ODAD2: variants seen among roughly 807,000 people sequenced by gnomAD.
ODAD2 encodes the protein outer dynein arm docking complex subunit 2, also known as outer dynein arm-docking complex subunit 2.
ODAD2 carries 89 observed loss-of-function variants against 106.8 expected under a neutral mutation model. That is an observed-to-expected ratio of 0.83 (90% CI 0.70 to 0.99). The LOEUF is 0.99. Among genes scored for constraint, ODAD2 ranks in the 50% least tolerant of loss-of-function variants. The pLI is 0.00. For missense variants in ODAD2, 1,168 were observed against 1,238.5 expected (o/e 0.94, Z 0.85); for synonymous variants, 404 against 436.2 (o/e 0.93, Z 0.92).
intron 14 of ODAD2, among the ~76,000 whole-genome samples, 166 bp downstream of exon 14, chr10:27,939,731 C>T (rs551463200): frequency 8.6e-5 from 13 of 151,890 alleles, no homozygotes; most frequent in Non-Finnish European, 1.9e-4. Context: ...GAGCAAGACC[C>T]TATCTCTAAA....
intron 15 of ODAD2, 81 bp downstream of exon 15, chr10:27,936,645 C>T: frequency 6.8e-7 from 1 of 1,465,516 alleles, no homozygotes; most frequent in South Asian, 1.1e-5. Flanking sequence ...GAATTGACTC[C>T]TTACTAGAAT....
intron 7 of ODAD2, among the ~76,000 whole-genome samples, chr10:27,979,914 A>T (rs1441627393): frequency 6.6e-6 from 1 of 152,196 alleles, no homozygotes; most frequent in Non-Finnish European, 1.5e-5. Context: ...AAACAGTACT[A>T]AAAAACAAAA....
intron 7 of ODAD2, among the ~76,000 whole-genome samples, chr10:27,979,102 C>T (rs969264954): frequency 2.0e-5 from 3 of 151,620 alleles, no homozygotes; most frequent in Non-Finnish European, 2.9e-5. Context: ...CCCAGCTACT[C>T]GGGAGCTTGA....
intron 17 of ODAD2, among the ~76,000 whole-genome samples, chr10:27,884,220 T>C (rs1841928238): frequency 6.6e-6 from 1 of 152,094 alleles, no homozygotes; most frequent in African/African-American, 2.4e-5. Flanking sequence ...AGCTGACTTT[T>C]CATCAGAAAG....
At chr10:27,908,950 TTAAG>T (rs1382407349) in intron 16 of ODAD2, among the ~76,000 whole-genome samples, 13 of 152,214 alleles carry the variant, frequency 8.5e-5, no homozygotes, top group African/African-American at 2.7e-4. Flanking sequence ...AAAGCAAAGC[TTAAG>T]TAAGTAGGTT....
intron 2 of ODAD2, among the ~76,000 whole-genome samples, chr10:27,993,658 AAAAT>A (rs1365158540): frequency 6.6e-6 from 1 of 152,184 alleles, no homozygotes; most frequent in Non-Finnish European, 1.5e-5. Context: ...TCCAGAAAAA[AAAAT>A]AAATAAATAA....
chr10:27,923,983 A>AAAG (rs1844991389), intron 16 of ODAD2, among the ~76,000 whole-genome samples: 2 of 137,692 alleles, frequency 1.5e-5, no homozygotes, highest in Admixed American at 1.5e-4. Flanking sequence ...AGAAAGAAAG[A>AAAG]AAGAAAGAAA....
intron 17 of ODAD2, among the ~76,000 whole-genome samples, chr10:27,878,348 A>G (rs1841482922): frequency 6.6e-6 from 1 of 152,202 alleles, no homozygotes; most frequent in Non-Finnish European, 1.5e-5. Context: ...AAATATTGAG[A>G]CATTATTTAC....
rs111402649 is a variant in ODAD2, at chr10:27,911,622, A to G, written c.2496-3845T>C. On this transcript the variant is annotated intron_variant, in intron 16 of 19. Transcript: ENST00000305242. ...TTCTCCCCGTTATGCACTTTCAACT[A>G]TTGCTGTTTCCCAGCCATCTCCGTA... Among the ~76,000 whole-genome samples the G allele has an allele frequency of 3.5e-3, 535 of 152,288 alleles. 3 individuals carry two copies. Among genetic ancestry groups the G allele is most frequent in the African/African-American group, 0.012 (511 of 41,566 alleles).
At chr10:27,942,860 C>A (rs1042496644) in intron 12 of ODAD2, among the ~76,000 whole-genome samples, 1 of 152,214 alleles carries the variant, frequency 6.6e-6, no homozygotes, top group African/African-American at 2.4e-5. Context: ...ATAAGTCTAT[C>A]TCATTTTTGA....
chr10:27,820,979 C>T (rs984207789), intron 19 of ODAD2, among the ~76,000 whole-genome samples: 1 of 152,002 alleles, frequency 6.6e-6, no homozygotes, highest in Non-Finnish European at 1.5e-5. Context: ...AGGGTTTTAC[C>T]ATGTTGGTCA....
chr10:27,975,814 A>ATTACT (rs1218820107), intron 7 of ODAD2, among the ~76,000 whole-genome samples: 3 of 152,176 alleles, frequency 2.0e-5, no homozygotes, highest in Non-Finnish European at 4.4e-5. Flanking sequence ...TAATGTCAGT[A>ATTACT]TTACTTCAAT....
At position 27,892,384 on chromosome 10, in the gene ODAD2, C is replaced by T. The variant is rs148979137; in HGVS notation, c.2610+15279G>A. 3.9e-3 allele frequency among the ~76,000 whole-genome samples: 596 copies of T among 152,270 alleles called. 7 individuals are homozygous for T. The highest frequency in any genetic ancestry group is 0.014 in the African/African-American group (568 of 41,566). On this transcript the variant is annotated intron_variant, in intron 17 of 19. Transcript: ENST00000305242. ...TGATAGACTAAAAAAGACCGTGCGG[C>T]TTTCTAAGTGAAGATGCTTATTTCC...
At chr10:27,954,558 A>C (rs1374656908) in intron 10 of ODAD2, among the ~76,000 whole-genome samples, 1 of 152,176 alleles carries the variant, frequency 6.6e-6, no homozygotes, top group African/African-American at 2.4e-5. Flanking sequence ...CTCCCCTGAG[A>C]TTTTTAACAT....
chr10:27,814,994 CCTT>C (rs1024007079), intron 19 of ODAD2, among the ~76,000 whole-genome samples: 2 of 152,184 alleles, frequency 1.3e-5, no homozygotes, highest in African/African-American at 4.8e-5. Context: ...TTTAAATCTT[CCTT>C]CTTCTTCAAT....
At chr10:27,989,568 T>C (rs1197860673) in intron 2 of ODAD2, among the ~76,000 whole-genome samples, 2 of 152,188 alleles carry the variant, frequency 1.3e-5, no homozygotes, top group African/African-American at 2.4e-5. Context: ...ATACCAAAGA[T>C]ACCAAGCTAC....
intron 19 of ODAD2, chr10:27,813,168 T>C (rs12357953): frequency 0.64 from 96,969 of 152,168 alleles, 33,415 homozygotes; most frequent in Non-Finnish European, 0.79. Context: ...TCCAAGATCA[T>C]AACTTTCCCA....
chr10:27,842,479 C>T (rs999692376), intron 19 of ODAD2, among the ~76,000 whole-genome samples: 3 of 152,152 alleles, frequency 2.0e-5, no homozygotes, highest in African/African-American at 7.2e-5. Flanking sequence ...CCTCTGATTA[C>T]AATAAATTAA....
intron 16 of ODAD2, among the ~76,000 whole-genome samples, chr10:27,912,496 GT>G (rs1388596127): frequency 1.3e-5 from 2 of 152,162 alleles, no homozygotes; most frequent in African/African-American, 4.8e-5. Flanking sequence ...CTGCTATGAA[GT>G]TTTGCTGGCT....
Sources: allele counts gnomAD v4.1 joint callset (sites outside exome capture counted in the v4.1 genomes callset), GRCh38; gene constraint gnomAD v4.1.1; transcripts MANE v1.5; gene names NCBI Gene and HGNC (gene_info 2026-07-23, HGNC 2026-07-21).